Variants in MAPK4 observed in about 807,000 individuals in gnomAD.
MAPK4 encodes the protein mitogen-activated protein kinase 4, also known as Erk3-related.
Under a neutral mutation model 47.7 loss-of-function variants are expected in MAPK4, and 22 were observed. That is an observed-to-expected ratio of 0.46 (90% CI 0.33 to 0.66). The LOEUF (loss-of-function observed/expected upper bound fraction) is 0.66. Ranked by LOEUF, MAPK4 falls within the 30% of genes least tolerant of loss-of-function variation. The probability of loss-of-function intolerance (pLI) is 0.02; values close to 1 mark genes in which losing one functional copy is unlikely to be tolerated. For missense variants in MAPK4, 736 were observed against 831.7 expected, an observed-to-expected ratio of 0.88 and a Z score of 1.42; for synonymous variants, 390 against 365.7, an observed-to-expected ratio of 1.07 and a Z score of -0.76.
chr18:50,582,344 C>G (rs1488565250), intron 1 of MAPK4, among the ~76,000 whole-genome samples: 1 of 152,220 alleles, frequency 6.6e-6, no homozygotes, highest in Non-Finnish European at 1.5e-5. Flanking sequence ...CACCTATCCC[C>G]ACCCTAGTCA....
intron 1 of MAPK4, among the ~76,000 whole-genome samples, chr18:50,648,168 C>G (rs1346224243): frequency 3.3e-5 from 5 of 151,640 alleles, no homozygotes; most frequent in African/African-American, 9.7e-5. Flanking sequence ...GTGTTGTGCT[C>G]TGTGAACTGG....
chr18:50,632,912 G>A (rs751541191), intron 1 of MAPK4, among the ~76,000 whole-genome samples: 7 of 151,864 alleles, frequency 4.6e-5, no homozygotes, highest in Non-Finnish European at 8.8e-5. Context: ...GAGCAACTGC[G>A]CCTGGCCTGA....
intron 1 of MAPK4, among the ~76,000 whole-genome samples, chr18:50,661,624 A>C (rs1283348746): frequency 6.6e-6 from 1 of 152,100 alleles, no homozygotes; most frequent in African/African-American, 2.4e-5. Context: ...TTGGGCATGG[A>C]GGTGGGAATG....
At chr18:50,559,837 TC>T (rs1047199310), upstream of MAPK4, among the ~76,000 whole-genome samples, 67 of 150,468 alleles carry the variant, frequency 4.5e-4, no homozygotes, top group African/African-American at 1.6e-3. Context: ...GGGGCTCGGC[TC>T]CCCAGGTGAG....
intron 1 of MAPK4, among the ~76,000 whole-genome samples, chr18:50,564,682 G>A (rs2042183549): frequency 6.6e-6 from 1 of 152,066 alleles, no homozygotes; most frequent in Non-Finnish European, 1.5e-5. Flanking sequence ...TCCTAATCTG[G>A]TTATTATATT....
At chr18:50,669,192 C>T (rs1484604284) in intron 2 of MAPK4, 1 of 152,234 alleles carries the variant, frequency 6.6e-6, no homozygotes, top group Non-Finnish European at 1.5e-5. Flanking sequence ...TCTACCGCTT[C>T]CTCTGCAGGC....
intron 2 of MAPK4, among the ~76,000 whole-genome samples, chr18:50,697,282 T>C (rs1390070237): frequency 4.6e-5 from 7 of 152,128 alleles, no homozygotes; most frequent in South Asian, 2.1e-4. Context: ...ATCTGTAAAA[T>C]AGGAATAAGA....
rs1907428216 is a variant in MAPK4 at position 50,663,945 on chromosome 18, T to C, written c.-14T>C. On this transcript the variant is annotated 5_prime_UTR_variant, in exon 2 of 6. Transcript: ENST00000400384. ...CCTGTGTTACCTGGGCAGCTCCAGA[T>C]CACTGAGCCCACAATGGCTGAGAAG... The C allele has an allele frequency of 6.3e-7, 1 of 1,599,856 alleles. No individual in the cohort carries two copies. Among genetic ancestry groups the C allele is most frequent in the Non-Finnish European group, 8.5e-7 (1 of 1,171,078 alleles).
intron 1 of MAPK4, among the ~76,000 whole-genome samples, chr18:50,640,076 A>G (rs932703093): frequency 6.6e-5 from 10 of 152,172 alleles, no homozygotes; most frequent in Non-Finnish European, 2.9e-5. Context: ...AACTGTGAGC[A>G]TAGACCAGTG....
chr18:50,639,655 G>C (rs2042920996), intron 1 of MAPK4, among the ~76,000 whole-genome samples: 1 of 152,188 alleles, frequency 6.6e-6, no homozygotes, highest in Admixed American at 6.5e-5. Flanking sequence ...GCACCATTTA[G>C]TAACATTTTA....
At chr18:50,609,613 C>T (rs973027869) in intron 1 of MAPK4, among the ~76,000 whole-genome samples, 1 of 152,166 alleles carries the variant, frequency 6.6e-6, no homozygotes, top group Non-Finnish European at 1.5e-5. Context: ...TGTTCTTCTA[C>T]ATGCTAGGTA....
At chr18:50,625,429 T>C (rs1568050439) in intron 1 of MAPK4, among the ~76,000 whole-genome samples, 1 of 152,146 alleles carries the variant, frequency 6.6e-6, no homozygotes, top group Non-Finnish European at 1.5e-5. Context: ...TTTGAGAGCC[T>C]TTTTCTAGCT....
chr18:50,668,168 A>G (rs957529612), intron 2 of MAPK4, among the ~76,000 whole-genome samples: 5 of 152,210 alleles, frequency 3.3e-5, no homozygotes, highest in Non-Finnish European at 7.3e-5. Context: ...AGCCAGGTGA[A>G]AAGATATACA....
intron 2 of MAPK4, among the ~76,000 whole-genome samples, chr18:50,666,338 C>T (rs1167532992): frequency 6.6e-6 from 1 of 152,218 alleles, no homozygotes; most frequent in Non-Finnish European, 1.5e-5. Flanking sequence ...CTGGGAGCCT[C>T]AGTTTCCCCT....
At chr18:50,676,748 T>TA (rs1300608871) in intron 2 of MAPK4, among the ~76,000 whole-genome samples, 1 of 152,236 alleles carries the variant, frequency 6.6e-6, no homozygotes, top group Non-Finnish European at 1.5e-5. Flanking sequence ...ATAGAATTGT[T>TA]ACACGAGTAT....
intron 1 of MAPK4, among the ~76,000 whole-genome samples, chr18:50,647,384 T>C (rs1201741310): frequency 6.6e-6 from 1 of 152,198 alleles, no homozygotes; most frequent in African/African-American, 2.4e-5. Flanking sequence ...ATATAACTTG[T>C]ACTCAGTTTT....
At chr18:50,718,934 A>C (rs1037344361) in intron 3 of MAPK4, among the ~76,000 whole-genome samples, 2 of 151,896 alleles carry the variant, frequency 1.3e-5, no homozygotes, top group Non-Finnish European at 2.9e-5. Flanking sequence ...ATACAAAAAA[A>C]TTAGCTGGGC....
chr18:50,577,825 C>G (rs1039245980), intron 1 of MAPK4, among the ~76,000 whole-genome samples: 1 of 152,150 alleles, frequency 6.6e-6, no homozygotes, highest in Non-Finnish European at 1.5e-5. Flanking sequence ...GAACTTTGAG[C>G]TGAAACTGAC....
chr18:50,706,466 T>C (rs1257848666), intron 2 of MAPK4, among the ~76,000 whole-genome samples: 1 of 151,702 alleles, frequency 6.6e-6, no homozygotes, highest in Non-Finnish European at 1.5e-5. Context: ...AGTTTTTTTT[T>C]TTTTTTAAGT....
Sources: allele counts gnomAD v4.1 joint callset (sites outside exome capture counted in the v4.1 genomes callset), GRCh38; gene constraint gnomAD v4.1.1; transcripts MANE v1.5; gene names NCBI Gene and HGNC (gene_info 2026-07-23, HGNC 2026-07-21).